RGS6: variants seen among roughly 807,000 people sequenced by gnomAD.
The protein encoded by RGS6 is regulator of G-protein signaling 6.
In RGS6, 30 loss-of-function variants were observed where a neutral mutation model predicts 78.5. That is an observed-to-expected ratio of 0.38 (90% CI 0.29 to 0.52). The LOEUF is 0.52. RGS6 is among the 20% of genes least tolerant of loss of function. The pLI, the probability that RGS6 is intolerant of heterozygous loss-of-function variation, is 0.85. For synonymous variants in RGS6, 206 were observed against 206.0 expected (o/e 1.00, Z 0.00); for missense variants, 495 against 609.7 (o/e 0.81, Z 1.98).
intron 3 of RGS6, among the ~76,000 whole-genome samples, chr14:72,398,802 G>T (rs1403897454): frequency 6.6e-6 from 1 of 152,024 alleles, no homozygotes. Flanking sequence ...CCTTCATTTC[G>T]TTATGTACCC....
At chr14:71,948,740 CTTTTTTTTTTT>C (rs71305831) in intron 1 of RGS6, among the ~76,000 whole-genome samples, 2 of 65,180 alleles carry the variant, frequency 3.1e-5, no homozygotes, top group Non-Finnish European at 5.1e-5. Flanking sequence ...CTCTCTCTCT[CTTTTTTTTTTT>C]TTTTTTTTTT....
chr14:72,390,814 C>T (rs1188505186), intron 3 of RGS6, among the ~76,000 whole-genome samples: 1 of 152,198 alleles, frequency 6.6e-6, no homozygotes, highest in Non-Finnish European at 1.5e-5. Context: ...GTGAGCCCTG[C>T]AAGGACTCAT....
At chr14:72,165,874 C>T (rs77297660) in intron 2 of RGS6, among the ~76,000 whole-genome samples, 1,590 of 152,236 alleles carry the variant, frequency 0.01, 35 homozygotes, top group African/African-American at 0.036. Context: ...TCAAGCAATT[C>T]TTGCTGTGTT....
At chr14:72,406,407 T>G (rs748856640) in intron 3 of RGS6, among the ~76,000 whole-genome samples, 2 of 152,100 alleles carry the variant, frequency 1.3e-5, no homozygotes, top group Admixed American at 6.5e-5. Context: ...GAAACTGCTA[T>G]TTAGCACAAC....
chr14:72,067,733 G>A (rs912273511), intron 2 of RGS6, among the ~76,000 whole-genome samples: 40 of 152,132 alleles, frequency 2.6e-4, no homozygotes, highest in African/African-American at 9.4e-4. Context: ...AAGTTTGCGC[G>A]TACAGCTAGC....
chr14:72,500,995 A>C (rs1427937726), intron 13 of RGS6, among the ~76,000 whole-genome samples: 3 of 152,104 alleles, frequency 2.0e-5, no homozygotes, highest in Non-Finnish European at 4.4e-5. Context: ...CCACCCTCCC[A>C]AACGCTTCAT....
the RGS6 span, among the ~76,000 whole-genome samples, chr14:71,903,213 T>C: frequency 2.6e-5 from 4 of 152,236 alleles, no homozygotes; most frequent in Non-Finnish European, 5.9e-5. Flanking sequence ...GTAATTCTTA[T>C]CCTCCTTTCT....
intron 2 of RGS6, among the ~76,000 whole-genome samples, chr14:72,007,262 A>G (rs2084751962): frequency 6.6e-6 from 1 of 152,146 alleles, no homozygotes. Context: ...AAAGATTCCC[A>G]GCCTCCCCAC....
At chr14:72,484,161 C>T (rs2096441830) in intron 12 of RGS6, among the ~76,000 whole-genome samples, 2 of 152,162 alleles carry the variant, frequency 1.3e-5, no homozygotes, top group African/African-American at 2.4e-5. Flanking sequence ...TCTTCACCCC[C>T]TTTAATATTC....
chr14:72,249,760 A>G (rs534387963), intron 2 of RGS6, among the ~76,000 whole-genome samples: 115 of 152,068 alleles, frequency 7.6e-4, no homozygotes, highest in Non-Finnish European at 1.3e-3. Flanking sequence ...AAACTGTGAG[A>G]AAAAAAAGTA....
chr14:72,199,841 CCA>C (rs1463175742), intron 2 of RGS6, among the ~76,000 whole-genome samples: 1 of 152,096 alleles, frequency 6.6e-6, no homozygotes, highest in Non-Finnish European at 1.5e-5. Flanking sequence ...CAAACACAGC[CCA>C]CAGTCTGTTT....
At chr14:72,442,453 C>T (rs2095239240) in intron 3 of RGS6, among the ~76,000 whole-genome samples, 1 of 152,178 alleles carries the variant, frequency 6.6e-6, no homozygotes, top group Admixed American at 6.5e-5. Context: ...CAGAATTACT[C>T]CCCTGTCTGT....
intron 2 of RGS6, among the ~76,000 whole-genome samples, chr14:72,247,565 G>A (rs375858462): frequency 6.6e-6 from 1 of 152,172 alleles, no homozygotes; most frequent in Non-Finnish European, 1.5e-5. Flanking sequence ...TTAATTTCTG[G>A]TTTCACCCGT....
chr14:72,347,013 T>C (rs2529469), intron 2 of RGS6, among the ~76,000 whole-genome samples: 70,411 of 151,960 alleles, frequency 0.46, 16,605 homozygotes, highest in South Asian at 0.6. Context: ...AAGGACATTC[T>C]CGTGGCTGTG....
At chr14:72,368,920 T>C (rs557070481) in intron 3 of RGS6, among the ~76,000 whole-genome samples, 1 of 152,300 alleles carries the variant, frequency 6.6e-6, no homozygotes, top group Admixed American at 6.5e-5. Context: ...TATCTTCATA[T>C]GGGTAGGTTA....
At chr14:71,944,154 T>C (rs2091105268) in intron 1 of RGS6, among the ~76,000 whole-genome samples, 1 of 152,228 alleles carries the variant, frequency 6.6e-6, no homozygotes, top group Admixed American at 6.5e-5. Context: ...AAATGCTTGA[T>C]AAAAATTCGT....
At chr14:72,289,858 T>C (rs1567674236) in intron 2 of RGS6, among the ~76,000 whole-genome samples, 1 of 152,204 alleles carries the variant, frequency 6.6e-6, no homozygotes, top group African/African-American at 2.4e-5. Context: ...AGATGTTTAG[T>C]CAATGTCAAG....
chr14:72,228,783 C>A (rs151139125), intron 2 of RGS6, among the ~76,000 whole-genome samples: 1 of 152,318 alleles, frequency 6.6e-6, no homozygotes, highest in South Asian at 2.1e-4. Context: ...CGGTGGCTCA[C>A]GCCTGTAATC....
At chr14:71,955,147 T>G (rs2092687581) in intron 1 of RGS6, among the ~76,000 whole-genome samples, 2 of 152,174 alleles carry the variant, frequency 1.3e-5, no homozygotes, top group African/African-American at 4.8e-5. Flanking sequence ...TTTTGTCTCC[T>G]CTCTTGACTT....
Sources: gnomAD v4.1 joint callset for allele counts (sites outside exome capture counted in the v4.1 genomes callset) on GRCh38, gnomAD v4.1.1 for gene constraint, MANE v1.5 for transcripts, NCBI Gene and HGNC (gene_info 2026-07-23, HGNC 2026-07-21) for gene names.